ALPK2: variants seen among roughly 807,000 people sequenced by gnomAD.
ALPK2 encodes alpha kinase 2, also known as alpha-protein kinase 2.
In ALPK2, 127 loss-of-function variants were observed where a neutral mutation model predicts 163.1. That is an observed-to-expected ratio of 0.78 (90% CI 0.67 to 0.90). ALPK2 has a LOEUF of 0.90. ALPK2 is among the 40% of genes least tolerant of loss of function. The probability of loss-of-function intolerance (pLI) is 0.00; values close to 1 mark genes in which losing one functional copy is unlikely to be tolerated. For missense variants in ALPK2, 2,360 were observed against 2,589.6 expected, an observed-to-expected ratio of 0.91 and a Z score of 1.92; for synonymous variants, 953 against 959.1, an observed-to-expected ratio of 0.99 and a Z score of 0.12.
rs11345187 is a variant in ALPK2 at position 58,574,280 on chromosome 18, T to TA, written c.1962+4533dup. ...CAACATGGTGAAACCCTGTCTCTACTAAAAAAAAAAAAACAAAAATCAGCC... is the reference window on the plus strand; with the variant it reads ...CAACATGGTGAAACCCTGTCTCTACTAAAAAAAAAAAAAACAAAAATCAGCC... On this transcript the variant is annotated intron_variant, in intron 4 of 12. Transcript: ENST00000361673. Among the ~76,000 whole-genome samples the TA allele has an allele frequency of 3.1e-3, 416 of 132,394 alleles. 2 individuals are homozygous for TA. Among genetic ancestry groups the TA allele is most frequent in the East Asian group, 0.01 (46 of 4,490 alleles). 86.9% of individuals were successfully genotyped at this position (132,394 alleles called of 152,430 possible). A position where few individuals can be genotyped will look rare whatever the true frequency, so the allele number is the denominator to read the frequency against.
At position 58,537,962 on chromosome 18, in the gene ALPK2, C is replaced by T. The variant is rs1386676702; in HGVS notation, c.2225G>A (p.Ser742Asn). The change falls in exon 5 of 13, where the codon AGC becomes AAC. Residue 742 changes from serine (S) to asparagine (N), a missense_variant. Coordinates refer to ENST00000361673, the MANE Select transcript of ALPK2 (RefSeq NM_052947.4). ...AGTCTCATCATTGGCTTCTGAGATG[C>T]TCTGCTCATATTTTAGGTCTTCCCT... ...NFREDLKYEQ[S>N]ISEANDETMS... is the part of the protein sequence containing the mutation. 1.9e-6 allele frequency: 3 copies of T among 1,614,228 alleles called. No homozygotes were observed. In the Admixed American group the frequency reaches 5.0e-5, roughly 27 times the overall value.
intron 1 of ALPK2, among the ~76,000 whole-genome samples, chr18:58,621,021 C>T (rs1215388811): frequency 1.3e-5 from 2 of 151,862 alleles, no homozygotes; most frequent in South Asian, 4.2e-4. Context: ...CCGGGTGTGT[C>T]GCATGCCTGT....
At chr18:58,611,869 G>T in intron 1 of ALPK2, 52 bp from the exon 2 acceptor site, 1 of 1,190,824 alleles carries the variant, frequency 8.4e-7, no homozygotes, top group Non-Finnish European at 1.2e-6. Flanking sequence ...GATTTCTCTG[G>T]CCTTCTTAGG....
At chr18:58,587,630 C>A (rs1424139300) in intron 3 of ALPK2, among the ~76,000 whole-genome samples, 20 of 152,192 alleles carry the variant, frequency 1.3e-4, no homozygotes, top group Admixed American at 1.2e-3. Context: ...GGCTCTACAG[C>A]AGATTTGGGC....
chr18:58,549,929 C>T (rs985886691), intron 4 of ALPK2, among the ~76,000 whole-genome samples: 12 of 152,078 alleles, frequency 7.9e-5, no homozygotes, highest in Admixed American at 2.0e-4. Flanking sequence ...ACCACAATCC[C>T]GGCATTGCAA....
chr18:58,601,995 AC>A (rs1826087772), intron 3 of ALPK2, among the ~76,000 whole-genome samples: 1 of 151,228 alleles, frequency 6.6e-6, no homozygotes, highest in Non-Finnish European at 1.5e-5. Flanking sequence ...GTAGCACCCC[AC>A]CCCCTCCTGT....
intron 4 of ALPK2, among the ~76,000 whole-genome samples, chr18:58,542,196 C>A (rs1366373099): frequency 6.6e-6 from 1 of 152,216 alleles, no homozygotes; most frequent in African/African-American, 2.4e-5. Context: ...TGCATGACCA[C>A]GGGTAACCTC....
intron 12 of ALPK2, among the ~76,000 whole-genome samples, 166 bp from the exon 13 acceptor site, chr18:58,482,205 AAAC>A (rs1260444420): frequency 2.6e-5 from 4 of 152,240 alleles, no homozygotes; most frequent in African/African-American, 7.2e-5. Context: ...TGAAGGTAAA[AAAC>A]AAAGACTGTG....
At chr18:58,501,581 T>C (rs920750837) in intron 11 of ALPK2, among the ~76,000 whole-genome samples, 3 of 152,204 alleles carry the variant, frequency 2.0e-5, no homozygotes, top group African/African-American at 7.2e-5. Flanking sequence ...TGGAAAGGTC[T>C]GGAAGTAAAT....
At chr18:58,506,164 T>C (rs1230389219) in intron 10 of ALPK2, among the ~76,000 whole-genome samples, 3 of 152,074 alleles carry the variant, frequency 2.0e-5, no homozygotes, top group South Asian at 2.1e-4. Flanking sequence ...TAACTCTGCA[T>C]TGGGCACACA....
intron 4 of ALPK2, among the ~76,000 whole-genome samples, chr18:58,549,078 CT>C (rs2051735736): frequency 1.3e-5 from 2 of 152,088 alleles, no homozygotes. Context: ...TTGTTGGGGT[CT>C]TTTTTAGATC....
At chr18:58,613,063 AC>A (rs779319050) in intron 1 of ALPK2, among the ~76,000 whole-genome samples, 48 of 152,174 alleles carry the variant, frequency 3.2e-4, no homozygotes, top group Non-Finnish European at 6.6e-4. Context: ...CCAAAGGGAC[AC>A]CCCTTTCCAT....
chr18:58,486,526 G>A (rs139369413), intron 12 of ALPK2, among the ~76,000 whole-genome samples: 48 of 152,258 alleles, frequency 3.2e-4, no homozygotes, highest in Non-Finnish European at 6.2e-4. Context: ...AATGTTGAAA[G>A]AACAAAATGA....
intron 4 of ALPK2, among the ~76,000 whole-genome samples, chr18:58,541,449 T>A (rs989210018): frequency 1.3e-5 from 2 of 152,234 alleles, no homozygotes; most frequent in African/African-American, 4.8e-5. Flanking sequence ...GGGGATTACA[T>A]CTCAGTGCAA....
intron 4 of ALPK2, among the ~76,000 whole-genome samples, chr18:58,550,962 A>T (rs1438462900): frequency 6.8e-6 from 1 of 147,966 alleles, no homozygotes; most frequent in Non-Finnish European, 1.5e-5. Context: ...CCTCCATCAC[A>T]TACAACCCCA....
At chr18:58,487,484 T>TC (rs1285577959) in intron 12 of ALPK2, among the ~76,000 whole-genome samples, 4 of 152,164 alleles carry the variant, frequency 2.6e-5, no homozygotes, top group Admixed American at 2.6e-4. Context: ...ACTGTGAGGC[T>TC]CTTGGTTTGT....
At chr18:58,512,868 ATGTG>A in intron 10 of ALPK2, among the ~76,000 whole-genome samples, 1 of 83,598 alleles carries the variant, frequency 1.2e-5, no homozygotes, top group African/African-American at 4.7e-5. Context: ...GGTGTGTTGT[ATGTG>A]TGGTGTGTGT....
At chr18:58,487,456 A>G (rs1242680974) in intron 12 of ALPK2, among the ~76,000 whole-genome samples, 3 of 152,170 alleles carry the variant, frequency 2.0e-5, no homozygotes, top group Non-Finnish European at 2.9e-5. Flanking sequence ...CAGAACTGTG[A>G]GACAATCAAT....
At chr18:58,485,464 C>T (rs569937117) in intron 12 of ALPK2, among the ~76,000 whole-genome samples, 1 of 152,236 alleles carries the variant, frequency 6.6e-6, no homozygotes, top group African/African-American at 2.4e-5. Flanking sequence ...ATAAATCCAG[C>T]TGCCCCTCCT....
Sources: gnomAD v4.1 joint callset for allele counts (sites outside exome capture counted in the v4.1 genomes callset) on GRCh38, gnomAD v4.1.1 for gene constraint, MANE v1.5 for transcripts, NCBI Gene and HGNC (gene_info 2026-07-23, HGNC 2026-07-21) for gene names.